NDUFAF6: variants seen among roughly 807,000 people sequenced by gnomAD.
NDUFAF6 encodes NADH dehydrogenase (ubiquinone) complex I, assembly factor 6.
Under a neutral mutation model 40.8 loss-of-function variants are expected in NDUFAF6, and 45 were observed. That is an observed-to-expected ratio of 1.10 (90% CI 0.87 to 1.42). The LOEUF (loss-of-function observed/expected upper bound fraction) is 1.42, where lower values mean the gene tolerates loss of function less well. NDUFAF6 is among the 40% of genes most tolerant of loss of function. The probability of loss-of-function intolerance (pLI) is 0.00; values close to 1 mark genes in which losing one functional copy is unlikely to be tolerated. For missense variants in NDUFAF6, 435 were observed against 418.5 expected (o/e 1.04, Z -0.34); for synonymous variants, 185 against 155.9 (o/e 1.19, Z -1.39).
chr8:94,945,466 C>T (rs1230053450), intron 1 of NDUFAF6: 1 of 152,180 alleles, frequency 6.6e-6, no homozygotes, highest in African/African-American at 2.4e-5. Flanking sequence ...CTCACATTAT[C>T]TATTTCTGTT....
intron 9 of NDUFAF6, among the ~76,000 whole-genome samples, chr8:95,065,405 T>C (rs113039480): frequency 7.2e-5 from 11 of 152,360 alleles, no homozygotes; most frequent in African/African-American, 1.7e-4. Flanking sequence ...ATATTTCTAC[T>C]GACAACCACT....
intron 1 of NDUFAF6, among the ~76,000 whole-genome samples, chr8:94,959,880 CCA>C (rs948762111): frequency 1.3e-5 from 2 of 152,152 alleles, no homozygotes; most frequent in Admixed American, 6.6e-5. Flanking sequence ...TGGGTCCCCC[CCA>C]GTTTCGGATG....
intron 1 of NDUFAF6, among the ~76,000 whole-genome samples, chr8:94,973,130 C>T (rs1447464671): frequency 2.0e-4 from 30 of 151,956 alleles, no homozygotes; most frequent in Non-Finnish European, 1.5e-5. Context: ...TTAATAATTA[C>T]CATGTGATTA....
At chr8:94,973,180 C>G (rs1824615356) in intron 1 of NDUFAF6, among the ~76,000 whole-genome samples, 1 of 152,196 alleles carries the variant, frequency 6.6e-6, no homozygotes, top group Admixed American at 6.5e-5. Flanking sequence ...GGGTTCAAAT[C>G]CTGGCTCTGC....
intron 2 of NDUFAF6, among the ~76,000 whole-genome samples, chr8:95,093,728 T>A (rs1809346490): frequency 6.6e-6 from 1 of 152,230 alleles, no homozygotes; most frequent in Non-Finnish European, 1.5e-5. Context: ...TAATTTTGCC[T>A]CAGTTTCTTT....
chr8:95,031,414 T>A (rs2599717), intron 1 of NDUFAF6, among the ~76,000 whole-genome samples: 151,575 of 152,354 alleles, frequency 0.99, 75,405 homozygotes, highest in East Asian at 1. Flanking sequence ...CTTGATTTAT[T>A]CTTTTGAAGC....
At chr8:94,992,636 T>C (rs1563776109) in intron 2 of NDUFAF6, among the ~76,000 whole-genome samples, 1 of 152,236 alleles carries the variant, frequency 6.6e-6, no homozygotes, top group Non-Finnish European at 1.5e-5. Flanking sequence ...AATTATTTGG[T>C]GTGTCAATTA....
rs140613261 is a variant in NDUFAF6 at position 94,903,827 on chromosome 8, C to A, written c.-936+7900C>A. 1.1e-3 allele frequency among the ~76,000 whole-genome samples: 166 copies of A among 152,256 alleles called. 4 individuals are homozygous for A. The East Asian group carries it at 0.024, about 22-fold the overall frequency. On this transcript the variant is annotated intron_variant, in intron 1 of 14. Coordinates refer to the NDUFAF6 transcript ENST00000396113. ...TTTCTGAACTATTTACTCACTCCTC[C>A]CCACCCTGTCAACCCCTGCTTCTGT...
In NDUFAF6 at chr8:94,974,747, C is replaced by T. The variant is rs138956972; in HGVS notation, c.-198-6112C>T. 1,263 of 178,492 alleles carry T rather than the reference C, an allele frequency of 7.1e-3. 24 individuals carry two copies. The highest frequency in any genetic ancestry group is 0.027 in the African/African-American group (1,147 of 42,444). 11.1% of individuals were successfully genotyped at this position (178,492 alleles called of 1,614,324 possible). On this transcript the variant is annotated intron_variant, in intron 1 of 9. Transcript: ENST00000396111. ...AACTTGTGGGCAGAGGTACCTGGAGCCTGTAGTCCATCCGCTCCCAGTGTA... is the reference window on the plus strand; with the variant it reads ...AACTTGTGGGCAGAGGTACCTGGAGTCTGTAGTCCATCCGCTCCCAGTGTA...
upstream of NDUFAF6, among the ~76,000 whole-genome samples, chr8:95,023,797 C>T (rs373831337): frequency 7.2e-5 from 11 of 152,180 alleles, 1 homozygote; most frequent in East Asian, 7.7e-4. Context: ...TCGAGACCAT[C>T]CTGGCCAACA....
At chr8:94,917,110 C>CAA (rs35834003) in intron 1 of NDUFAF6, among the ~76,000 whole-genome samples, 6 of 89,534 alleles carry the variant, frequency 6.7e-5, no homozygotes, top group South Asian at 3.7e-4. Flanking sequence ...GACTCCATCT[C>CAA]AAAAAAAAAA....
chr8:94,940,694 A>G (rs1821447433), intron 1 of NDUFAF6: 2 of 650,394 alleles, frequency 3.1e-6, no homozygotes, highest in Admixed American at 3.2e-5. Flanking sequence ...GTTTCCTGCA[A>G]TTTTTTAAAG....
chr8:94,897,320 A>G (rs1343606819), intron 1 of NDUFAF6, among the ~76,000 whole-genome samples: 1 of 152,232 alleles, frequency 6.6e-6, no homozygotes, highest in African/African-American at 2.4e-5. Context: ...AATCATAGTA[A>G]AGGAGAAATT....
intron 9 of NDUFAF6, among the ~76,000 whole-genome samples, chr8:95,065,604 T>G (rs1832684363): frequency 6.6e-6 from 1 of 152,202 alleles, no homozygotes; most frequent in African/African-American, 2.4e-5. Flanking sequence ...TCTTTTCTCT[T>G]ATTTTGCAGT....
chr8:94,973,179 T>A (rs189300102), intron 1 of NDUFAF6, among the ~76,000 whole-genome samples: 109 of 152,334 alleles, frequency 7.2e-4, no homozygotes, highest in Non-Finnish European at 1.3e-3. Context: ...TGGGTTCAAA[T>A]CCTGGCTCTG....
chr8:95,025,357 G>T (rs1230883547), intron 1 of NDUFAF6, 152 bp downstream of exon 1: 19 of 758,412 alleles, frequency 2.5e-5, no homozygotes, highest in Non-Finnish European at 3.4e-5. Context: ...TCGGGTGCGG[G>T]TGTGCGGAGG....
intron 1 of NDUFAF6, among the ~76,000 whole-genome samples, chr8:94,980,089 T>G (rs1207381942): frequency 6.6e-6 from 1 of 151,096 alleles, no homozygotes; most frequent in African/African-American, 2.4e-5. Flanking sequence ...AGAGTGAGAC[T>G]CTGTCTCAAA....
downstream of NDUFAF6, among the ~76,000 whole-genome samples, chr8:95,106,274 C>CAAAA (rs772574749): frequency 1.1e-5 from 1 of 87,520 alleles, no homozygotes. Context: ...GACTCCATCT[C>CAAAA]AAAAAAAAAA....
chr8:94,971,706 G>T (rs1011853876), intron 1 of NDUFAF6, among the ~76,000 whole-genome samples: 8 of 152,194 alleles, frequency 5.3e-5, no homozygotes, highest in Non-Finnish European at 1.2e-4. Flanking sequence ...GGAGGCGGAG[G>T]CGGGTGGATC....
Sources: gnomAD v4.1 joint callset for allele counts (sites outside exome capture counted in the v4.1 genomes callset) on GRCh38, gnomAD v4.1.1 for gene constraint, MANE v1.5 for transcripts, NCBI Gene and HGNC (gene_info 2026-07-23, HGNC 2026-07-21) for gene names.